MATR3: variants seen among roughly 807,000 people sequenced by gnomAD.
MATR3 encodes matrin 3, also known as matrin-3.
Under a neutral mutation model 85.5 loss-of-function variants are expected in MATR3, and 4 were observed. The ratio of observed to expected loss-of-function variants is 0.05; its 90% CI spans 0.02 to 0.11. The LOEUF (loss-of-function observed/expected upper bound fraction) is 0.11. Among genes scored for constraint, MATR3 ranks in the 10% least tolerant of loss-of-function variants. The pLI is 1.00. For synonymous variants in MATR3, 336 were observed against 343.1 expected, an observed-to-expected ratio of 0.98 and a Z score of 0.23; for missense variants, 685 against 1,016.1, an observed-to-expected ratio of 0.67 and a Z score of 4.43.
intron 2 of MATR3, chr5:139,276,455 CA>C: frequency 3.0e-6 from 1 of 334,564 alleles, no homozygotes; most frequent in South Asian, 2.4e-5. Flanking sequence ...AAAAAATTGC[CA>C]AAAATAACTC....
rs769207159 is a variant in MATR3, at chr5:139,293,954, A to T, written c.-178+149A>T. The T allele has an allele frequency of 3.2e-6, 4 of 1,253,658 alleles. No homozygotes were observed. The African/African-American group carries it at 4.6e-5, about 15-fold the overall frequency. The allele number at this position is 1,253,658 out of a possible 1,614,324, so 77.7% of individuals were successfully genotyped here. On this transcript the variant is annotated intron_variant, in intron 1 of 14. Transcript: ENST00000394805. Reference sequence around the variant, plus strand: ...CGCTCTGCCTCCCTCCGCGTTGCGTATGTGAGCCGCCTGATCGGCGGCCGC... The same window carrying T: ...CGCTCTGCCTCCCTCCGCGTTGCGTTTGTGAGCCGCCTGATCGGCGGCCGC...
chr5:139,279,183 G>C, intron 3 of MATR3: 1 of 453,162 alleles, frequency 2.2e-6, no homozygotes, highest in South Asian at 1.6e-5. Context: ...AGCTCAGATG[G>C]GGGTAGGGGA....
At chr5:139,286,017 G>T (rs1200475720) in intron 3 of MATR3, among the ~76,000 whole-genome samples, 1 of 152,180 alleles carries the variant, frequency 6.6e-6, no homozygotes, top group East Asian at 1.9e-4. Flanking sequence ...TGAATATCCA[G>T]ATCCAAGAAC....
chr5:139,274,162 G>T lies in MATR3; in HGVS notation c.-287+1G>T, dbSNP rs960304123. 2 of 424,676 alleles carry T rather than the reference G, an allele frequency of 4.7e-6. No individual in the cohort carries two copies. The highest frequency in any genetic ancestry group is 2.8e-5 in the Admixed American group (1 of 35,262). 26.3% of individuals were successfully genotyped at this position (424,676 alleles called of 1,614,324 possible). On this transcript the variant is annotated splice_donor_variant, in intron 1 of 16. Coordinates refer to ENST00000509990, the Ensembl canonical transcript of MATR3. LOFTEE classifies it low-confidence loss of function (5UTR_SPLICE). ...CCTGCGGAGCTCCGAACACGTGCGCGTGAGTAAGGACCCAGAGGGGAGAGT... is the reference window on the plus strand; with the variant it reads ...CCTGCGGAGCTCCGAACACGTGCGCTTGAGTAAGGACCCAGAGGGGAGAGT...
At position 139,308,167 on chromosome 5, in the gene MATR3, A is replaced by G. The variant is rs1223486512; in HGVS notation, c.752A>G (p.Glu251Gly). Residue 251 changes from glutamate (E) to glycine (G), a missense_variant, in exon 2 of 15, where the codon GAG (glutamate) becomes GGG (glycine). Around this residue, in one of 9 missense-constraint regions of MATR3, gnomAD observed 223 missense variants for 334.4 expected, o/e 0.67. Coordinates refer to ENST00000394805, the MANE Select transcript of MATR3 (RefSeq NM_018834.6). ...TATCATAAATTTGACAGTGAGTATGAGAGAATGGGACGTGGTCCTGGCCCC... is the reference window on the plus strand; with the variant it reads ...TATCATAAATTTGACAGTGAGTATGGGAGAATGGGACGTGGTCCTGGCCCC... ...HNYHKFDSEY[E>G]RMGRGPGPLQ... 11 of 1,613,974 alleles carry G rather than the reference A, an allele frequency of 6.8e-6. No homozygotes were observed. Among genetic ancestry groups the G allele is most frequent in the Non-Finnish European group, 9.3e-6 (11 of 1,180,014 alleles).
At chr5:139,278,071 A>G (rs1030061653) in intron 2 of MATR3, among the ~76,000 whole-genome samples, 1 of 152,004 alleles carries the variant, frequency 6.6e-6, no homozygotes, top group African/African-American at 2.4e-5. Context: ...CTCTATAAAA[A>G]ACAAAAAAGA....
At chr5:139,325,321 G>GT in intron 12 of MATR3, 119 bp from the exon 13 acceptor site, 1 of 1,568,928 alleles carries the variant, frequency 6.4e-7, no homozygotes, top group Non-Finnish European at 8.6e-7. Flanking sequence ...AGTATGGAAG[G>GT]TTTTGTCACT....
At position 139,331,490 on chromosome 5, in the gene MATR3, AT is replaced by A. The variant is rs1292591494; in HGVS notation, c.*2097del. 2.2e-6 allele frequency: 1 copy of A among 454,152 alleles called. No homozygotes were observed. The highest frequency in any genetic ancestry group is 1.6e-5 in the South Asian group (1 of 64,478). 28.1% of individuals were successfully genotyped at this position (454,152 alleles called of 1,614,324 possible). A position where few individuals can be genotyped will look rare whatever the true frequency, so the allele number is the denominator to read the frequency against. On this transcript the variant is annotated 3_prime_UTR_variant, in exon 15 of 15. Coordinates refer to ENST00000394805, the MANE Select transcript of MATR3 (RefSeq NM_018834.6). ...ATTTGAGAGCATTTAGAAATCAGAA[AT>A]TATAATAAGCTGTTAGTGATAAATC...
chr5:139,327,954 C>T (rs145226241), intron 14 of MATR3, among the ~76,000 whole-genome samples: 435 of 151,926 alleles, frequency 2.9e-3, no homozygotes, highest in African/African-American at 1.0e-2. Context: ...CTCTGCGTCC[C>T]GGGTTCAAGC....
chr5:139,304,687 TAATA>T (rs1291058736), intron 1 of MATR3, among the ~76,000 whole-genome samples: 2 of 152,196 alleles, frequency 1.3e-5, no homozygotes, highest in Non-Finnish European at 2.9e-5. Context: ...TGGATTTTGA[TAATA>T]AATGTTCTCC....
At chr5:139,314,770 T>TC (rs1452522843) in intron 3 of MATR3, 34 bp downstream of exon 3, 4 of 1,592,534 alleles carry the variant, frequency 2.5e-6, no homozygotes, top group Non-Finnish European at 3.4e-6. Context: ...AACATCCTTA[T>TC]CGTGAATCAG....
At chr5:139,328,819 C>T (rs757387625) in intron 14 of MATR3, among the ~76,000 whole-genome samples, 2 of 152,114 alleles carry the variant, frequency 1.3e-5, no homozygotes, top group South Asian at 2.1e-4. Context: ...CTGGCCAACA[C>T]GGTGAAAACC....
chr5:139,329,129 AC>A (rs1756002430), intron 14 of MATR3, among the ~76,000 whole-genome samples: 1 of 152,168 alleles, frequency 6.6e-6, no homozygotes, highest in Admixed American at 6.5e-5. Flanking sequence ...CATTTGAAAT[AC>A]CCATTTTATA....
rs547853872 is a variant in MATR3, at chr5:139,324,584, A to G, written c.2149-856A>G. On this transcript the variant is annotated intron_variant, in intron 12 of 14. Transcript: ENST00000394805. ...GCTGGAATTACAGGTGTGAGCCACC[A>G]TGCCTGGCCCAGAGCTTGGTTTTTT... Among the ~76,000 whole-genome samples the G allele has an allele frequency of 3.5e-4, 53 of 152,256 alleles. 3 individuals are homozygous for G. Among genetic ancestry groups the G allele is most frequent in the African/African-American group, 1.2e-3 (48 of 41,566 alleles).
chr5:139,317,140 T>C (rs1334279144), intron 6 of MATR3, 35 bp downstream of exon 6: 2 of 1,597,320 alleles, frequency 1.3e-6, no homozygotes, highest in East Asian at 4.5e-5. Context: ...ACTGTATTTA[T>C]GATTTTTGGG....
Position 139,331,611 on chromosome 5 carries a change from A to G in MATR3, c.*2216A>G, listed in dbSNP as rs1053927347. ...GTTTAAGAACATTTTTCCTACGGCT[A>G]TGTCAGCCCTTAGTTTAATCTTACA... On this transcript the variant is annotated 3_prime_UTR_variant, in exon 15 of 15. Transcript: ENST00000394805. 1 of 453,932 alleles carries G rather than the reference A, an allele frequency of 2.2e-6. No individual in the cohort carries two copies. Among genetic ancestry groups the G allele is most frequent in the African/African-American group, 2.0e-5 (1 of 50,012 alleles). 28.1% of individuals were successfully genotyped at this position (453,932 alleles called of 1,614,324 possible).
chr5:139,308,839 A>C (rs1305753938), intron 2 of MATR3, among the ~76,000 whole-genome samples: 1 of 152,156 alleles, frequency 6.6e-6, no homozygotes, highest in Non-Finnish European at 1.5e-5. Context: ...TTCATATTTT[A>C]GATTAGTTCA....
At chr5:139,276,402 TAA>T in intron 2 of MATR3, 1 of 345,634 alleles carries the variant, frequency 2.9e-6, no homozygotes, top group Admixed American at 3.8e-5. Flanking sequence ...GGGCCATACA[TAA>T]AATATAGTAA....
At chr5:139,303,899 G>C (rs1754581167) in intron 1 of MATR3, among the ~76,000 whole-genome samples, 1 of 152,120 alleles carries the variant, frequency 6.6e-6, no homozygotes, top group East Asian at 1.9e-4. Flanking sequence ...ATTTAGATCT[G>C]GAACAGCTGT....
Sources: allele counts gnomAD v4.1 joint callset (sites outside exome capture counted in the v4.1 genomes callset), GRCh38; gene constraint gnomAD v4.1.1; regional missense constraint gnomAD v4.1.1; transcripts MANE v1.5; gene names NCBI Gene and HGNC (gene_info 2026-07-23, HGNC 2026-07-21).